The following HDAC9 variants were observed in gnomAD, a reference collection of about 807,000 sequenced individuals.
The protein encoded by HDAC9 is MEF-2 interacting transcription repressor (MITR) protein.
A neutral mutation model predicts 139.4 loss-of-function variants in HDAC9; 41 were observed. The ratio of observed to expected loss-of-function variants is 0.29; its 90% CI spans 0.23 to 0.38. The LOEUF (loss-of-function observed/expected upper bound fraction) is 0.38, where lower values mean the gene tolerates loss of function less well. Ranked by LOEUF, HDAC9 falls within the 10% of genes least tolerant of loss-of-function variation. The pLI is 1.00. For synonymous variants in HDAC9, 517 were observed against 476.2 expected (o/e 1.09, Z -1.12); for missense variants, 1,147 against 1,297.0 (o/e 0.88, Z 1.78).
chr7:18,324,039 C>T (rs1800246539), intron 1 of HDAC9, among the ~76,000 whole-genome samples: 1 of 151,402 alleles, frequency 6.6e-6, no homozygotes, highest in Non-Finnish European at 1.5e-5. Flanking sequence ...TCTCAGCTCT[C>T]ATTACCCAAT....
rs138155813 is a variant in HDAC9, at chr7:18,791,065, C to T, written c.2215-2280C>T. On this transcript the variant is annotated intron_variant, in intron 16 of 25. Coordinates refer to ENST00000686413, the MANE Select transcript of HDAC9 (RefSeq NM_178425.4). ...GACAGGCATATGGGTATCACGCAAA[C>T]GTATTTGTGGCTACCTAATGCCCTT... Among the ~76,000 whole-genome samples, 1,336 of 152,250 alleles carry T rather than the reference C, an allele frequency of 8.8e-3. 13 individuals are homozygous for T. The highest frequency in any genetic ancestry group is 0.023 in the South Asian group (113 of 4,828).
chr7:18,379,797 C>A (rs1390910529), intron 1 of HDAC9, among the ~76,000 whole-genome samples: 1 of 152,174 alleles, frequency 6.6e-6, no homozygotes, highest in Non-Finnish European at 1.5e-5. Context: ...TATAAGGTCT[C>A]TATTTCTTGA....
At chr7:18,514,657 TG>T (rs1320729948) in intron 2 of HDAC9, among the ~76,000 whole-genome samples, 2 of 152,226 alleles carry the variant, frequency 1.3e-5, no homozygotes, top group Non-Finnish European at 2.9e-5. Flanking sequence ...ATAATTTTCT[TG>T]GCTGTGTGCT....
chr7:18,302,714 G>A (rs1166180875), intron 1 of HDAC9, among the ~76,000 whole-genome samples: 2 of 152,204 alleles, frequency 1.3e-5, no homozygotes, highest in African/African-American at 4.8e-5. Context: ...GTATGATGAA[G>A]TCATTCTGTA....
chr7:18,721,649 G>A (rs1785153552), intron 12 of HDAC9, among the ~76,000 whole-genome samples: 2 of 151,508 alleles, frequency 1.3e-5, no homozygotes, highest in Admixed American at 1.3e-4. Context: ...CACAGGTCAG[G>A]AAGCAAATGT....
At chr7:18,287,723 C>T (rs934600952), upstream of HDAC9, among the ~76,000 whole-genome samples, 1 of 152,204 alleles carries the variant, frequency 6.6e-6, no homozygotes. Context: ...ACTCCCAAAG[C>T]CAGCTGTTTG....
intron 2 of HDAC9, among the ~76,000 whole-genome samples, chr7:18,195,848 A>G (rs957829345): frequency 3.9e-5 from 6 of 152,110 alleles, no homozygotes; most frequent in African/African-American, 1.4e-4. Flanking sequence ...GTGAACACAT[A>G]TATTATGTTC....
intron 21 of HDAC9, among the ~76,000 whole-genome samples, chr7:18,851,096 T>G (rs1450251275): frequency 1.3e-5 from 2 of 152,240 alleles, no homozygotes; most frequent in African/African-American, 4.8e-5. Flanking sequence ...CCAATTCTTG[T>G]GGTTGCAGTG....
intron 12 of HDAC9, among the ~76,000 whole-genome samples, chr7:18,679,914 G>C (rs1781779953): frequency 6.6e-6 from 1 of 151,884 alleles, no homozygotes; most frequent in Non-Finnish European, 1.5e-5. Context: ...TAAGTTAAAA[G>C]TGCCTTGCAG....
chr7:18,699,410 G>A (rs1354667023), intron 12 of HDAC9, among the ~76,000 whole-genome samples: 2 of 151,928 alleles, frequency 1.3e-5, no homozygotes, highest in Admixed American at 1.3e-4. Context: ...GTGTACGTGT[G>A]TGTCGAAATA....
At position 18,228,295 on chromosome 7, in the gene HDAC9, CT is replaced by C. The variant is rs5882649; in HGVS notation, c.25+65958del. On this transcript the variant is annotated intron_variant, in intron 2 of 12. Transcript: ENST00000417496. ...AAAAATGATCCCAGAAGTAGATAAC[CT>C]TTTTTTTTTTTAATAAAGCAGATAA... Among the ~76,000 whole-genome samples the C allele has an allele frequency of 4.2e-3, 611 of 146,434 alleles. 2 individuals are homozygous for C. Among genetic ancestry groups the C allele is most frequent in the Admixed American group, 7.9e-3 (115 of 14,520 alleles).
At chr7:18,388,387 T>C (rs1786143155) in intron 1 of HDAC9, among the ~76,000 whole-genome samples, 1 of 152,182 alleles carries the variant, frequency 6.6e-6, no homozygotes, top group African/African-American at 2.4e-5. Context: ...TCCATGTAAG[T>C]CTGAAGCCCC....
At chr7:18,147,708 A>G (rs1436351438) in intron 1 of HDAC9, among the ~76,000 whole-genome samples, 1 of 151,408 alleles carries the variant, frequency 6.6e-6, no homozygotes, top group Non-Finnish European at 1.5e-5. Context: ...CACTGTCCAG[A>G]GTTAGCCATT....
chr7:18,110,865 TGAG>T (rs1385541578), intron 1 of HDAC9, among the ~76,000 whole-genome samples: 1 of 152,042 alleles, frequency 6.6e-6, no homozygotes, highest in Non-Finnish European at 1.5e-5. Flanking sequence ...ATTTAAAAGA[TGAG>T]GAACGGAGAT....
At chr7:18,935,108 TC>T (rs1309273257) in intron 22 of HDAC9, among the ~76,000 whole-genome samples, 1 of 152,110 alleles carries the variant, frequency 6.6e-6, no homozygotes, top group Non-Finnish European at 1.5e-5. Flanking sequence ...AATTATAAAC[TC>T]AGGATCCTGA....
chr7:18,968,466 A>C (rs1390717487), intron 24 of HDAC9, among the ~76,000 whole-genome samples: 1 of 152,112 alleles, frequency 6.6e-6, no homozygotes, highest in East Asian at 1.9e-4. Flanking sequence ...AGAGAGAAAA[A>C]GATATCTAAT....
Position 18,727,791 on chromosome 7 carries a change from G to T in HDAC9, c.1909+34G>T, listed in dbSNP as rs1287515637. The stretch of plus-strand genomic sequence containing the variant: ...CCCTAAAGACTCTCTCTAATAGGCA[G>T]GCTAAATGCCCCGTTCTTGTAGGAT... On this transcript the variant is annotated intron_variant, in intron 13 of 25. Coordinates refer to ENST00000686413, the MANE Select transcript of HDAC9 (RefSeq NM_178425.4). The T allele has an allele frequency of 3.6e-6, 5 of 1,404,050 alleles. No homozygotes were observed. The African/African-American group carries it at 4.4e-5, about 12-fold the overall frequency. 87.0% of individuals were successfully genotyped at this position (1,404,050 alleles called of 1,614,324 possible).
At chr7:18,161,987 A>G (rs1308954878) in intron 1 of HDAC9, among the ~76,000 whole-genome samples, 2 of 152,150 alleles carry the variant, frequency 1.3e-5, no homozygotes, top group African/African-American at 2.4e-5. Context: ...TCCCTCACTG[A>G]TTCCTTCTAT....
rs570276667 is a variant in HDAC9, at chr7:18,901,731, G to T, written c.2803+27135G>T. 4.6e-5 allele frequency among the ~76,000 whole-genome samples: 7 copies of T among 152,214 alleles called. No individual in the cohort carries two copies. In the South Asian group the frequency reaches 1.5e-3, roughly 32 times the overall value. On this transcript the variant is annotated intron_variant, in intron 22 of 25. Transcript: ENST00000686413. ...CATTTCCTGAACATCCAATAGGATT[G>T]TTTTCATAACTTATCTTATTTAATC...
Sources: gnomAD v4.1 joint callset for allele counts (sites outside exome capture counted in the v4.1 genomes callset) on GRCh38, gnomAD v4.1.1 for gene constraint, MANE v1.5 for transcripts, NCBI Gene and HGNC (gene_info 2026-07-23, HGNC 2026-07-21) for gene names.